The following SEMA5A variants were observed in gnomAD, a reference collection of about 807,000 sequenced individuals.
SEMA5A encodes semaphorin 5A.
SEMA5A carries 55 observed loss-of-function variants against 135.5 expected under a neutral mutation model. The observed-to-expected ratio is 0.41, with a 90% confidence interval of 0.33 to 0.51. The LOEUF (loss-of-function observed/expected upper bound fraction) is 0.51, where lower values mean the gene tolerates loss of function less well. Among genes scored for constraint, SEMA5A ranks in the 20% least tolerant of loss-of-function variants. SEMA5A has a pLI of 0.37. For synonymous variants in SEMA5A, 580 were observed against 546.5 expected (o/e 1.06, Z -0.85); for missense variants, 1,290 against 1,419.9 (o/e 0.91, Z 1.47).
chr5:9,155,116 G>T (rs372238874), intron 11 of SEMA5A, among the ~76,000 whole-genome samples: 1 of 152,144 alleles, frequency 6.6e-6, no homozygotes, highest in African/African-American at 2.4e-5. Context: ...AATGCAATGT[G>T]ATTGGCAGCT....
chr5:9,154,459 A>C (rs770726396), intron 12 of SEMA5A, 29 bp downstream of exon 12: 1 of 1,607,818 alleles, frequency 6.2e-7, no homozygotes, highest in Non-Finnish European at 8.5e-7. Flanking sequence ...CACACACACC[A>C]GTGCATCCTG....
chr5:9,184,115 G>A (rs183993772), intron 11 of SEMA5A, among the ~76,000 whole-genome samples: 73 of 148,434 alleles, frequency 4.9e-4, no homozygotes, highest in African/African-American at 1.8e-3. Flanking sequence ...ATTTTTGTGA[G>A]TGTCTGTTTT....
intron 1 of SEMA5A, among the ~76,000 whole-genome samples, chr5:9,475,102 T>C (rs1411060582): frequency 2.0e-5 from 3 of 152,166 alleles, no homozygotes; most frequent in Non-Finnish European, 4.4e-5. Context: ...CCACCTACTT[T>C]CGTATTTTTA....
At chr5:9,087,744 A>T (rs1346272294) in intron 16 of SEMA5A, among the ~76,000 whole-genome samples, 2 of 152,124 alleles carry the variant, frequency 1.3e-5, no homozygotes, top group African/African-American at 4.8e-5. Context: ...TGCAGTTACA[A>T]ATCTGTTCTA....
At chr5:9,230,854 C>T (rs777549691) in intron 6 of SEMA5A, among the ~76,000 whole-genome samples, 4 of 152,068 alleles carry the variant, frequency 2.6e-5, no homozygotes, top group Non-Finnish European at 4.4e-5. Flanking sequence ...ACAGGAGCAA[C>T]GAGTGGAGGT....
At chr5:9,457,593 C>T (rs1222162694) in intron 1 of SEMA5A, among the ~76,000 whole-genome samples, 2 of 152,184 alleles carry the variant, frequency 1.3e-5, no homozygotes, top group Non-Finnish European at 2.9e-5. Flanking sequence ...CTTTACCCAT[C>T]TGTGCCTCCT....
chr5:9,146,833 G>C (rs1327513681), intron 12 of SEMA5A, among the ~76,000 whole-genome samples: 1 of 152,142 alleles, frequency 6.6e-6, no homozygotes, highest in Non-Finnish European at 1.5e-5. Flanking sequence ...ACATTCTCTA[G>C]AGGTTAAACC....
At chr5:9,430,490 A>G (rs967172954) in intron 2 of SEMA5A, among the ~76,000 whole-genome samples, 2 of 152,166 alleles carry the variant, frequency 1.3e-5, no homozygotes, top group African/African-American at 4.8e-5. Context: ...AGGTCCAGAC[A>G]CTGAACCTTA....
At chr5:9,308,005 C>G (rs1046443225) in intron 5 of SEMA5A, among the ~76,000 whole-genome samples, 1 of 152,040 alleles carries the variant, frequency 6.6e-6, no homozygotes, top group Non-Finnish European at 1.5e-5. Flanking sequence ...ATGCACAACA[C>G]AAAAGAATGA....
chr5:9,540,735 C>G (rs943301492), intron 1 of SEMA5A, among the ~76,000 whole-genome samples: 2 of 152,174 alleles, frequency 1.3e-5, no homozygotes, highest in African/African-American at 4.8e-5. Flanking sequence ...ATGTCCCTGG[C>G]CTCCGAAGCG....
intron 5 of SEMA5A, among the ~76,000 whole-genome samples, chr5:9,273,046 A>G (rs1750067532): frequency 6.6e-6 from 1 of 152,210 alleles, no homozygotes; most frequent in South Asian, 2.1e-4. Context: ...GAAGGTGGGT[A>G]ATAACAAACT....
At chr5:9,428,148 CTAT>C (rs1384508081) in intron 2 of SEMA5A, among the ~76,000 whole-genome samples, 5 of 134,804 alleles carry the variant, frequency 3.7e-5, no homozygotes, top group Non-Finnish European at 7.7e-5. Flanking sequence ...ATCTATCTAT[CTAT>C]CTATCTATCT....
At chr5:9,325,009 T>C (rs1752807366) in intron 4 of SEMA5A, among the ~76,000 whole-genome samples, 1 of 152,240 alleles carries the variant, frequency 6.6e-6, no homozygotes, top group South Asian at 2.1e-4. Context: ...AAATAGGTAG[T>C]AATAAGGAAT....
At chr5:9,362,375 A>T (rs1395675732) in intron 3 of SEMA5A, among the ~76,000 whole-genome samples, 1 of 152,162 alleles carries the variant, frequency 6.6e-6, no homozygotes, top group Non-Finnish European at 1.5e-5. Context: ...ATATGAGGGT[A>T]AGAGATTTCA....
intron 1 of SEMA5A, among the ~76,000 whole-genome samples, chr5:9,475,135 T>G (rs1357078977): frequency 6.6e-6 from 1 of 152,226 alleles, no homozygotes; most frequent in East Asian, 1.9e-4. Flanking sequence ...TTTCGCCATG[T>G]TGGCCAGGCT....
intron 3 of SEMA5A, among the ~76,000 whole-genome samples, chr5:9,353,054 G>T (rs1269328089): frequency 1.2e-5 from 1 of 84,116 alleles, no homozygotes; most frequent in African/African-American, 5.3e-5. Flanking sequence ...AGGAAGGAAA[G>T]GAAAGGAAGG....
chr5:9,139,193 G>T (rs1384499095), intron 12 of SEMA5A, among the ~76,000 whole-genome samples: 1 of 152,118 alleles, frequency 6.6e-6, no homozygotes, highest in African/African-American at 2.4e-5. Context: ...CATAGTAATT[G>T]TACTAGTTTA....
intron 3 of SEMA5A, among the ~76,000 whole-genome samples, chr5:9,343,581 T>TA (rs1753741549): frequency 6.6e-6 from 1 of 152,156 alleles, no homozygotes; most frequent in African/African-American, 2.4e-5. Context: ...TATTACTCCT[T>TA]AAAGTTGGCA....
At chr5:9,255,665 G>T (rs2150500163) in intron 5 of SEMA5A, among the ~76,000 whole-genome samples, 2 of 152,172 alleles carry the variant, frequency 1.3e-5, no homozygotes, top group South Asian at 4.1e-4. Context: ...TCCAATGGTG[G>T]CATGGCCCTG....
Sources: gnomAD v4.1 joint callset for allele counts (sites outside exome capture counted in the v4.1 genomes callset) on GRCh38, gnomAD v4.1.1 for gene constraint, MANE v1.5 for transcripts, NCBI Gene and HGNC (gene_info 2026-07-23, HGNC 2026-07-21) for gene names.